Variants in TLR1 observed in about 807,000 individuals in gnomAD.
TLR1 encodes the protein toll-like receptor 1.
In TLR1, 19 loss-of-function variants were observed where a neutral mutation model predicts 20.2. The ratio of observed to expected loss-of-function variants is 0.94; its 90% CI spans 0.66 to 1.38. The LOEUF (loss-of-function observed/expected upper bound fraction) is 1.38. Ranked by LOEUF, TLR1 falls within the 40% of genes most tolerant of loss-of-function variation. The pLI is 0.00. For missense variants in TLR1, 921 were observed against 910.0 expected (o/e 1.01, Z -0.16); for synonymous variants, 320 against 334.5 (o/e 0.96, Z 0.47).
rs1726344959 is a variant in TLR1, at chr4:38,798,436, G to T, written c.396C>A (p.Cys132Ter). The T allele has an allele frequency of 6.2e-7, 1 of 1,613,712 alleles. No homozygotes were observed. Among genetic ancestry groups the T allele is most frequent in the East Asian group, 2.2e-5 (1 of 44,870 alleles). The change falls in exon 4 of 4, where the codon TGC becomes TGA. Residue 132 changes from cysteine (C) to a stop codon, truncating the protein, a stop_gained. Coordinates refer to ENST00000308979, the MANE Select transcript of TLR1 (RefSeq NM_003263.4). LOFTEE classifies it low-confidence loss of function (END_TRUNC). ...SFNAFDALPI[C>*]KEFGNMSQLK... ...GTTGAGACATATTGCCAAACTCTTTGCATATAGGCAGGGCATCAAATGCAT... is the reference window on the plus strand; with the variant it reads ...GTTGAGACATATTGCCAAACTCTTTTCATATAGGCAGGGCATCAAATGCAT...
Position 38,798,002 on chromosome 4 carries a change from G to A in TLR1, c.830C>T (p.Ser277Leu). 2 of 1,614,136 alleles carry A rather than the reference G, an allele frequency of 1.2e-6. No homozygotes were observed. ...ACCCTGTAGCTTCACGTTTGAAATT[G>A]AGAAATACCATACAGTTGTATGCCA... ...LVWHTTVWYF[S>L]ISNVKLQGQL... is the part of the protein sequence containing the mutation. The change falls in exon 4 of 4, where the codon TCA becomes TTA. Residue 277 changes from serine to leucine, a missense_variant. Physicochemically the swap from Ser to Leu is moderately radical, Grantham distance 145. Transcript: ENST00000308979.
At chr4:38,801,836 G>T (rs530792522) in intron 2 of TLR1, among the ~76,000 whole-genome samples, 30 of 152,326 alleles carry the variant, frequency 2.0e-4, no homozygotes, top group African/African-American at 7.2e-4. Flanking sequence ...ACATGAGCAG[G>T]ACAGGAGAGG....
chr4:38,796,356 A>T lies in TLR1; in HGVS notation c.*115T>A. 1 of 1,174,014 alleles carries T rather than the reference A, an allele frequency of 8.5e-7. No homozygotes were observed. Among genetic ancestry groups the T allele is most frequent in the Non-Finnish European group, 1.2e-6 (1 of 840,228 alleles). 72.7% of individuals were successfully genotyped at this position (1,174,014 alleles called of 1,614,324 possible). ...GACCCGAAGGTATATATTTTTACCT[A>T]CATCATACACTCACAATTGTGTTTA... On this transcript the variant is annotated 3_prime_UTR_variant, in exon 4 of 4. Coordinates refer to ENST00000308979, the MANE Select transcript of TLR1 (RefSeq NM_003263.4).
At position 38,798,204 on chromosome 4, in the gene TLR1, C is replaced by G. The variant is rs372216793; in HGVS notation, c.628G>C (p.Val210Leu). 6.2e-7 allele frequency: 1 copy of G among 1,613,898 alleles called. No individual in the cohort carries two copies. Among genetic ancestry groups the G allele is most frequent in the Admixed American group, 1.7e-5 (1 of 59,984 alleles). The part of the protein sequence containing the change: ...KEFHFILDVS[V>L]KTVANLELSN... ...AGTTCCAGATTTGCTACAGTCTTGA[C>G]TGACACATCCAAAATAAAATGGAAT... The change falls in exon 4 of 4, where the codon GTC becomes CTC. Residue 210 changes from valine (V) to leucine (L), a missense_variant. Val to Leu is a conservative substitution (Grantham distance 32). Coordinates refer to ENST00000308979, the MANE Select transcript of TLR1 (RefSeq NM_003263.4).
chr4:38,801,328 G>C (rs1726626565), intron 2 of TLR1, among the ~76,000 whole-genome samples: 1 of 152,216 alleles, frequency 6.6e-6, no homozygotes, highest in African/African-American at 2.4e-5. Context: ...CAAACCAGAA[G>C]AGGGCCTTCG....
downstream of TLR1, among the ~76,000 whole-genome samples, chr4:38,789,093 A>G (rs975373977): frequency 1.3e-5 from 2 of 152,330 alleles, no homozygotes; most frequent in Non-Finnish European, 2.9e-5. Flanking sequence ...ATTTGACTGT[A>G]TATTTACCAT....
downstream of TLR1, among the ~76,000 whole-genome samples, chr4:38,792,853 T>TTATATATATATA (rs72518392): frequency 6.1e-3 from 744 of 122,198 alleles, 20 homozygotes; most frequent in African/African-American, 0.016. Context: ...TATTTTCAAA[T>TTATATATATATA]TATATATATA....
chr4:38,797,911 A>C lies in TLR1; in HGVS notation c.921T>G (p.Val307=), dbSNP rs1726255244. 6.2e-7 allele frequency: 1 copy of C among 1,614,014 alleles called. No homozygotes were observed. The highest frequency in any genetic ancestry group is 1.3e-5 in the African/African-American group (1 of 74,944). The change falls in exon 4 of 4, where the codon GTT becomes GTG. Residue 307 remains valine (V), a synonymous_variant. Transcript: ENST00000308979. The part of the protein sequence containing the change: ...TSLKALSIHQ[V]VSDVFGFPQS... ...GCGGAAAACCGAACACATCGCTGAC[A>C]ACTTGGTGTATAGACAAGGCCTTCA...
chr4:38,796,538 C>A lies in TLR1; in HGVS notation c.2294G>T (p.Arg765Leu), dbSNP rs1459838090. 1.2e-6 allele frequency: 2 copies of A among 1,614,150 alleles called. No individual in the cohort carries two copies. Among genetic ancestry groups the A allele is most frequent in the African/African-American group, 2.7e-5 (2 of 75,042 alleles). ...YLEWPKEKSK[R>L]GLFWANLRAA... ...CCTTAAGTTAGCCCAAAAAAGGCCA[C>A]GTTTGCTCTTTTCCTTGGGCCATTC... Residue 765 changes from arginine (R) to leucine (L), a missense_variant, in exon 4 of 4, where the codon CGT becomes CTT. Physicochemically the swap from Arg to Leu is moderately radical, Grantham distance 102. Coordinates refer to ENST00000308979, the MANE Select transcript of TLR1 (RefSeq NM_003263.4).
chr4:38,796,965 C>A lies in TLR1; in HGVS notation c.1867G>T (p.Ala623Ser). 1 of 1,614,176 alleles carries A rather than the reference C, an allele frequency of 6.2e-7. No homozygotes were observed. The highest frequency in any genetic ancestry group is 8.5e-7 in the Non-Finnish European group (1 of 1,180,034). The change falls in exon 4 of 4, where the codon GCC becomes TCC. Residue 623 changes from alanine (A) to serine (S), a missense_variant. Ala to Ser is a moderately conservative substitution (Grantham distance 99). Transcript: ENST00000308979. ...AGTTCTTCTAAGGGTATGTTCCTGG[C>A]CCTGCGCCGGGTCTGGGTCCACTGG... ...VCQWTQTRRRARNIPLEELQR... is the reference protein window; with the variant it reads ...VCQWTQTRRRSRNIPLEELQR...
exon 4 of TLR1, chr4:38,790,891 A>G (rs918393271): frequency 6.6e-6 from 1 of 152,238 alleles, no homozygotes; most frequent in African/African-American, 2.4e-5. Flanking sequence ...TAGAGGAAAG[A>G]TGAACATCCT....
At position 38,798,378 on chromosome 4, in the gene TLR1, C is replaced by G; in HGVS notation, c.454G>C (p.Glu152Gln). The G allele has an allele frequency of 3.1e-6, 5 of 1,613,926 alleles. No homozygotes were observed. Among genetic ancestry groups the G allele is most frequent in the Non-Finnish European group, 4.2e-6 (5 of 1,179,928 alleles). The change falls in exon 4 of 4, where the codon GAA becomes CAA. Residue 152 changes from glutamate to glutamine, a missense_variant. Glu to Gln is a conservative substitution (Grantham distance 29, BLOSUM62 2). Transcript: ENST00000308979. ...GCAATTGGCAGCACACTAGATTTTT[C>G]TAAGTGTGTGGTGCTCAACCCCAGA... ...KFLGLSTTHL[E>Q]KSSVLPIAHL...
Position 38,798,049 on chromosome 4 carries a change from G to T in TLR1, c.783C>A (p.Phe261Leu). Reference sequence around the variant, plus strand: ...GCCAAACCAGCTGGAGGATCCTAATGAAAGAATTCCAAGTTGTTTCAATGT... The same window carrying T: ...GCCAAACCAGCTGGAGGATCCTAATTAAAGAATTCCAAGTTGTTTCAATGT... ...LNNIETTWNS[F>L]IRILQLVWHT... The change falls in exon 4 of 4, where the codon TTC becomes TTA. Residue 261 changes from phenylalanine to leucine, a missense_variant. Phe to Leu is a conservative substitution (Grantham distance 22, BLOSUM62 0). Coordinates refer to ENST00000308979, the MANE Select transcript of TLR1 (RefSeq NM_003263.4). 1 of 1,613,976 alleles carries T rather than the reference G, an allele frequency of 6.2e-7. No homozygotes were observed.
downstream of TLR1, among the ~76,000 whole-genome samples, chr4:38,791,816 G>A (rs188627311): frequency 2.6e-4 from 40 of 152,274 alleles, no homozygotes; most frequent in Non-Finnish European, 4.6e-4. Context: ...CTTAATCCTC[G>A]TAACAATAGT....
rs778643984 is a variant in TLR1, at chr4:38,798,563, T to C, written c.269A>G (p.Lys90Arg). 4 of 1,614,170 alleles carry C rather than the reference T, an allele frequency of 2.5e-6. No homozygotes were observed. The highest frequency in any genetic ancestry group is 2.2e-5 in the South Asian group (2 of 91,086). The change falls in exon 4 of 4, where the codon AAA (lysine) becomes AGA (arginine). Residue 90 changes from lysine (K) to arginine (R), a missense_variant. Lys to Arg is a conservative substitution (Grantham distance 26, BLOSUM62 2). Transcript: ENST00000308979. Reference protein sequence around the residue: ...RIQYLDISVFKFNQELEYLDL... With the variant: ...RIQYLDISVFRFNQELEYLDL... Reference sequence around the variant, plus strand: ...CAAGTATTCCAATTCCTGGTTGAATTTGAAAACACTGATATCAAGATACTG... The same window carrying C: ...CAAGTATTCCAATTCCTGGTTGAATCTGAAAACACTGATATCAAGATACTG...
At chr4:38,788,020 C>T (rs1278890190), downstream of TLR1, among the ~76,000 whole-genome samples, 2 of 152,170 alleles carry the variant, frequency 1.3e-5, no homozygotes, top group African/African-American at 4.8e-5. Context: ...ACTTAGAACC[C>T]ACGTCCTCAG....
chr4:38,797,702 A>T lies in TLR1; in HGVS notation c.1130T>A (p.Leu377His), dbSNP rs746730912. The T allele has an allele frequency of 1.2e-6, 2 of 1,613,952 alleles. No individual in the cohort carries two copies. Among genetic ancestry groups the T allele is most frequent in the Non-Finnish European group, 1.7e-6 (2 of 1,179,986 alleles). The change falls in exon 4 of 4, where the codon CTT becomes CAT. Residue 377 changes from leucine (L) to histidine (H), a missense_variant. Transcript: ENST00000308979. Reference sequence around the variant, plus strand: ...TTTTAATTGATTCATTTGTAAAATAAGTGTCTCCAACTCAGTAAGGTGCCC... The same window carrying T: ...TTTTAATTGATTCATTTGTAAAATATGTGTCTCCAACTCAGTAAGGTGCCC... ...NCGHLTELET[L>H]ILQMNQLKEL...
chr4:38,800,078 C>T, intron 3 of TLR1, among the ~76,000 whole-genome samples: 1 of 152,004 alleles, frequency 6.6e-6, no homozygotes, highest in Non-Finnish European at 1.5e-5. Context: ...TTAGAGAAGG[C>T]CTTTTTGAGA....
chr4:38,797,821 G>A lies in TLR1; in HGVS notation c.1011C>T (p.Arg337=), dbSNP rs746238997. 3.7e-6 allele frequency: 6 copies of A among 1,614,012 alleles called. No individual in the cohort carries two copies. Among genetic ancestry groups the A allele is most frequent in the Middle Eastern group, 1.6e-4 (1 of 6,084 alleles). The change falls in exon 4 of 4, where the codon CGC becomes CGT. Residue 337 remains arginine (R), a synonymous_variant. Coordinates refer to ENST00000308979, the MANE Select transcript of TLR1 (RefSeq NM_003263.4). The part of the protein sequence containing the change: ...NIKNFTVSGT[R]MVHMLCPSKI... ...TGGATGGGCAAAGCATGTGGACCAT[G>A]CGTGTACCAGACACTGTGAAATTTT...
Sources: allele counts gnomAD v4.1 joint callset (sites outside exome capture counted in the v4.1 genomes callset), GRCh38; gene constraint gnomAD v4.1.1; transcripts MANE v1.5; gene names NCBI Gene and HGNC (gene_info 2026-07-23, HGNC 2026-07-21).